Variants in CERT1 observed in about 807,000 individuals in gnomAD.
CERT1 encodes the protein ceramide transporter 1, also known as ceramide transfer protein.
Under a neutral mutation model 87.9 loss-of-function variants are expected in CERT1, and 31 were observed. The ratio of observed to expected loss-of-function variants is 0.35; its 90% confidence interval spans 0.27 to 0.48. CERT1 has a LOEUF of 0.48. Among genes scored for constraint, CERT1 ranks in the 20% least tolerant of loss-of-function variants. The pLI is 0.99. For missense variants in CERT1, 487 were observed against 758.0 expected, an observed-to-expected ratio of 0.64 and a Z score of 4.20; for synonymous variants, 289 against 250.9, an observed-to-expected ratio of 1.15 and a Z score of -1.44.
chr5:75,416,671 T>TAGTA (rs1763145609), intron 7 of CERT1, among the ~76,000 whole-genome samples: 1 of 152,202 alleles, frequency 6.6e-6, no homozygotes, highest in African/African-American at 2.4e-5. Context: ...CAAGAAAGCA[T>TAGTA]ACTGTATAGT....
At chr5:75,511,720 G>C (rs1210135974), upstream of CERT1, 8 of 1,545,674 alleles carry the variant, frequency 5.2e-6, no homozygotes, top group East Asian at 1.5e-4. Context: ...CGTCTGACGC[G>C]ACACGCCGAG....
chr5:75,374,182 G>A (rs1251686064), downstream of CERT1: 1 of 386,050 alleles, frequency 2.6e-6, no homozygotes, highest in Non-Finnish European at 4.4e-6. Flanking sequence ...ACACAGCCTT[G>A]CTTCAGTCAC....
Position 75,425,449 on chromosome 5 carries a change from G to A in CERT1, c.507C>T (p.Asp169=). 2 of 1,613,934 alleles carry A rather than the reference G, an allele frequency of 1.2e-6. No individual in the cohort carries two copies. Among genetic ancestry groups the A allele is most frequent in the Non-Finnish European group, 1.7e-6 (2 of 1,179,836 alleles). ...EKLAEMETFR[D]ILCRQVDTLQ... Reference sequence around the variant, plus strand: ...GCGTGTCAACTTGTCTACATAAGATGTCTCTAAATGTTTCCATTTCAGCCA... The same window carrying A: ...GCGTGTCAACTTGTCTACATAAGATATCTCTAAATGTTTCCATTTCAGCCA... Residue 169 remains aspartate (D), a synonymous_variant, in exon 5 of 17, where the codon GAC becomes GAT. Coordinates refer to ENST00000643780, the MANE Select transcript of CERT1 (RefSeq NM_001379029.1).
intron 3 of CERT1, among the ~76,000 whole-genome samples, chr5:75,455,227 T>C (rs1159795121): frequency 6.6e-6 from 1 of 152,182 alleles, no homozygotes; most frequent in Non-Finnish European, 1.5e-5. Context: ...CAAACTGGGC[T>C]ACAAAGTTTT....
At chr5:75,503,904 A>ATTAAACATGTAAATTTTT (rs1324645059) in intron 2 of CERT1, among the ~76,000 whole-genome samples, 1 of 29,484 alleles carries the variant, frequency 3.4e-5, no homozygotes, top group East Asian at 1.3e-3. Flanking sequence ...TTTAAATTAA[A>ATTAAACATGTAAATTTTT]TGTTTAATTT....
At chr5:75,403,358 C>T (rs760003795) in intron 8 of CERT1, among the ~76,000 whole-genome samples, 1 of 152,230 alleles carries the variant, frequency 6.6e-6, no homozygotes, top group African/African-American at 2.4e-5. Context: ...CAGTCTGCTG[C>T]CTACTTTTGT....
intron 3 of CERT1, among the ~76,000 whole-genome samples, chr5:75,430,118 A>G (rs925820612): frequency 6.6e-6 from 1 of 152,218 alleles, no homozygotes; most frequent in African/African-American, 2.4e-5. Context: ...TTTCAGGCAG[A>G]CACTAGGAAT....
In CERT1 at chr5:75,378,990, G is replaced by GT. The variant is rs1186555490; in HGVS notation, c.*355dup. ...GGCCAGGAGTTCAAGACCAGCTTGG[G>GT]TAACATAGCAAGACCCCTATCTCTA... On this transcript the variant is annotated 3_prime_UTR_variant, in exon 17 of 17. Transcript: ENST00000643780. The GT allele has an allele frequency of 6.1e-6, 1 of 163,202 alleles. No homozygotes were observed. Among genetic ancestry groups the GT allele is most frequent in the African/African-American group, 2.4e-5 (1 of 41,726 alleles). 10.1% of individuals were successfully genotyped at this position (163,202 alleles called of 1,614,324 possible).
intron 2 of CERT1, among the ~76,000 whole-genome samples, chr5:75,468,705 T>A (rs539925718): frequency 6.6e-6 from 1 of 152,204 alleles, no homozygotes; most frequent in Non-Finnish European, 1.5e-5. Context: ...ATTGTTATAC[T>A]GACCATGGTA....
chr5:75,473,797 A>G (rs1302199977), intron 2 of CERT1, among the ~76,000 whole-genome samples: 3 of 152,220 alleles, frequency 2.0e-5, no homozygotes, highest in Admixed American at 2.0e-4. Context: ...ACCATTTCAC[A>G]ATGTATATAT....
chr5:75,509,625 C>A (rs1054336155), intron 1 of CERT1, among the ~76,000 whole-genome samples: 1 of 151,994 alleles, frequency 6.6e-6, no homozygotes, highest in East Asian at 1.9e-4. Flanking sequence ...TCACTCCACT[C>A]CCCCAACCCC....
intron 5 of CERT1, among the ~76,000 whole-genome samples, chr5:75,421,749 C>T (rs1244923248): frequency 6.6e-6 from 1 of 152,168 alleles, no homozygotes; most frequent in Non-Finnish European, 1.5e-5. Context: ...ATCCTTACTT[C>T]CCGGGGCCTT....
intron 17 of CERT1, chr5:75,372,524 G>A (rs1222027645): frequency 6.6e-6 from 1 of 152,070 alleles, no homozygotes; most frequent in East Asian, 1.9e-4. Context: ...ATTATGAACA[G>A]CATTTTTCTA....
chr5:75,390,866 C>T (rs940523929), intron 11 of CERT1, among the ~76,000 whole-genome samples: 18 of 152,174 alleles, frequency 1.2e-4, no homozygotes, highest in Non-Finnish European at 2.5e-4. Context: ...TGCAGCGGCA[C>T]AATCATAACT....
intron 2 of CERT1, among the ~76,000 whole-genome samples, chr5:75,471,771 A>G (rs1028425577): frequency 1.4e-4 from 21 of 151,576 alleles, no homozygotes; most frequent in Middle Eastern, 3.4e-3. Context: ...AAAAAAAAAA[A>G]AAAAGAAAAG....
chr5:75,434,644 T>C (rs995769711), intron 3 of CERT1, among the ~76,000 whole-genome samples: 4 of 151,922 alleles, frequency 2.6e-5, no homozygotes, highest in African/African-American at 9.7e-5. Context: ...TGGTAGGTTT[T>C]TTTTTTTTTA....
chr5:75,412,366 A>T (rs552731935), intron 7 of CERT1, among the ~76,000 whole-genome samples: 31 of 152,328 alleles, frequency 2.0e-4, no homozygotes, highest in Non-Finnish European at 4.3e-4. Context: ...AAATGTAAAC[A>T]GCTCTTCCTA....
chr5:75,413,167 G>A (rs1258306781), intron 7 of CERT1, among the ~76,000 whole-genome samples: 4 of 152,042 alleles, frequency 2.6e-5, no homozygotes, highest in Non-Finnish European at 5.9e-5. Flanking sequence ...ACAGGGTCAG[G>A]ATCATCAAGA....
intron 12 of CERT1, among the ~76,000 whole-genome samples, chr5:75,388,213 C>T (rs1761878587): frequency 6.6e-6 from 1 of 152,168 alleles, no homozygotes; most frequent in African/African-American, 2.4e-5. Flanking sequence ...AGAATTATAG[C>T]TAACATTCTG....
Sources: gnomAD v4.1 joint callset for allele counts (sites outside exome capture counted in the v4.1 genomes callset) on GRCh38, gnomAD v4.1.1 for gene constraint, MANE v1.5 for transcripts, NCBI Gene and HGNC (gene_info 2026-07-23, HGNC 2026-07-21) for gene names.